Variants in RBFOX1 observed in about 807,000 individuals in gnomAD.
RBFOX1 encodes the protein RNA binding protein fox-1 homolog 1.
In RBFOX1, 8 loss-of-function variants were observed where a neutral mutation model predicts 57.7. The observed-to-expected ratio is 0.14, with a 90% CI of 0.08 to 0.25. The LOEUF is 0.25. Ranked by LOEUF, RBFOX1 falls within the 10% of genes least tolerant of loss-of-function variation. The pLI, the probability that RBFOX1 is intolerant of heterozygous loss-of-function variation, is 1.00. For missense variants in RBFOX1, 611 were observed against 548.5 expected (o/e 1.11, Z -1.14); for synonymous variants, 326 against 222.4 (o/e 1.47, Z -4.15).
intron 1 of RBFOX1, among the ~76,000 whole-genome samples, chr16:6,087,635 C>A (rs574261037): frequency 3.3e-5 from 5 of 151,946 alleles, no homozygotes; most frequent in Non-Finnish European, 7.4e-5. Context: ...AACTCATTCC[C>A]CTTGGCTGGA....
chr16:5,676,046 G>C (rs1398596815), intron 3 of RBFOX1, among the ~76,000 whole-genome samples: 1 of 152,126 alleles, frequency 6.6e-6, no homozygotes, highest in Non-Finnish European at 1.5e-5. Flanking sequence ...AGAACACATG[G>C]ACATGGTGAT....
intron 4 of RBFOX1, among the ~76,000 whole-genome samples, chr16:6,003,680 A>G (rs1346955362): frequency 6.6e-6 from 1 of 152,238 alleles, no homozygotes; most frequent in Non-Finnish European, 1.5e-5. Flanking sequence ...AGCCTCTGCT[A>G]TTCCCTAGGC....
chr16:5,785,106 C>T (rs1338110246), intron 3 of RBFOX1, among the ~76,000 whole-genome samples: 1 of 152,138 alleles, frequency 6.6e-6, no homozygotes, highest in African/African-American at 2.4e-5. Context: ...GCAACTTTTA[C>T]CTTCCACGGA....
intron 4 of RBFOX1, among the ~76,000 whole-genome samples, chr16:7,081,448 G>A (rs79708246): frequency 0.034 from 5,248 of 152,230 alleles, 314 homozygotes; most frequent in African/African-American, 0.12. Context: ...CCTCATGGGG[G>A]AATCAAAGGG....
chr16:6,242,315 C>A (rs1192609909), intron 1 of RBFOX1, among the ~76,000 whole-genome samples: 1 of 152,140 alleles, frequency 6.6e-6, no homozygotes, highest in Non-Finnish European at 1.5e-5. Flanking sequence ...CTATCATGAT[C>A]TTTCCCTATC....
At chr16:7,532,546 T>G (rs1435184319) in intron 5 of RBFOX1, among the ~76,000 whole-genome samples, 1 of 152,196 alleles carries the variant, frequency 6.6e-6, no homozygotes, top group Non-Finnish European at 1.5e-5. Flanking sequence ...TTGGCCATCT[T>G]TCTCCTTGCC....
At position 6,101,900 on chromosome 16, in the gene RBFOX1, T is replaced by C. The variant is rs1176498458; in HGVS notation, c.-127+81908T>C. Among the ~76,000 whole-genome samples, 4 of 151,532 alleles carry C rather than the reference T, an allele frequency of 2.6e-5. No individual in the cohort carries two copies. In the East Asian group the frequency reaches 7.7e-4, roughly 29 times the overall value. ...GGCCAGATTGTCCGTTCCTGGGAGG[T>C]GATTATTTGGCCAGTCCACGAATAG... On this transcript the variant is annotated intron_variant, in intron 1 of 15. Transcript: ENST00000550418.
chr16:6,106,901 G>A (rs1597370202), intron 1 of RBFOX1, among the ~76,000 whole-genome samples: 1 of 152,108 alleles, frequency 6.6e-6, no homozygotes, highest in East Asian at 1.9e-4. Context: ...TCAATCTCCT[G>A]ACCTCGTGAT....
intron 3 of RBFOX1, among the ~76,000 whole-genome samples, chr16:5,817,236 C>T (rs767545950): frequency 6.6e-6 from 1 of 152,088 alleles, no homozygotes; most frequent in Non-Finnish European, 1.5e-5. Context: ...AGCCATGTTT[C>T]TATTACGGTA....
chr16:6,494,677 C>A (rs1377749195), intron 2 of RBFOX1, among the ~76,000 whole-genome samples: 1 of 152,218 alleles, frequency 6.6e-6, no homozygotes, highest in East Asian at 1.9e-4. Flanking sequence ...AGTTTCACTT[C>A]TCTGGCATAA....
At chr16:6,716,443 T>A (rs529536201) in intron 3 of RBFOX1, among the ~76,000 whole-genome samples, 208 of 152,332 alleles carry the variant, frequency 1.4e-3, no homozygotes, top group African/African-American at 4.7e-3. Context: ...TGTTGTTTTA[T>A]TTTGCTTTAT....
intron 4 of RBFOX1, among the ~76,000 whole-genome samples, chr16:7,488,959 A>G (rs1386815957): frequency 6.6e-6 from 1 of 152,224 alleles, no homozygotes; most frequent in Non-Finnish European, 1.5e-5. Context: ...ATCTATGTAT[A>G]CATTCATCCA....
chr16:6,827,733 C>T (rs11859303), intron 3 of RBFOX1, among the ~76,000 whole-genome samples: 1 of 152,264 alleles, frequency 6.6e-6, no homozygotes, highest in Admixed American at 6.5e-5. Context: ...TGCTGATCCC[C>T]TACATGGATC....
At chr16:5,351,906 C>T (rs1414016917) in intron 1 of RBFOX1, among the ~76,000 whole-genome samples, 2 of 152,162 alleles carry the variant, frequency 1.3e-5, no homozygotes, top group Admixed American at 6.5e-5. Flanking sequence ...TGGGTTCAAG[C>T]GATTTTCCTG....
chr16:6,618,441 G>T (rs1198734258), intron 2 of RBFOX1, among the ~76,000 whole-genome samples: 10 of 152,288 alleles, frequency 6.6e-5, no homozygotes, highest in Non-Finnish European at 1.5e-5. Flanking sequence ...AGACTAGTGT[G>T]TCAGAAGTCC....
chr16:5,614,386 C>T (rs759469767), intron 3 of RBFOX1, among the ~76,000 whole-genome samples: 1 of 152,124 alleles, frequency 6.6e-6, no homozygotes, highest in Non-Finnish European at 1.5e-5. Context: ...TCCCTGAGTC[C>T]ATGGGGATTT....
At chr16:6,794,321 C>T (rs117325961) in intron 3 of RBFOX1, among the ~76,000 whole-genome samples, 3,934 of 136,482 alleles carry the variant, frequency 0.029, 77 homozygotes, top group Middle Eastern at 0.061. Flanking sequence ...GCATTCCAAT[C>T]GGGCTAATAC....
intron 2 of RBFOX1, among the ~76,000 whole-genome samples, chr16:6,447,868 G>C (rs181130634): frequency 8.5e-5 from 13 of 152,284 alleles, no homozygotes; most frequent in African/African-American, 3.1e-4. Flanking sequence ...TCCAATCGGA[G>C]TGAACCTGTG....
intron 3 of RBFOX1, among the ~76,000 whole-genome samples, chr16:6,941,961 G>C (rs1388400345): frequency 1.3e-5 from 2 of 152,098 alleles, no homozygotes; most frequent in African/African-American, 4.8e-5. Flanking sequence ...GGGCACAATG[G>C]CTCACACCTG....
Sources: allele counts gnomAD v4.1 joint callset (sites outside exome capture counted in the v4.1 genomes callset), GRCh38; gene constraint gnomAD v4.1.1; transcripts MANE v1.5; gene names NCBI Gene and HGNC (gene_info 2026-07-23, HGNC 2026-07-21).